PKHD1L1: variants seen among roughly 807,000 people sequenced by gnomAD.
PKHD1L1 encodes PKHD1 like 1.
Under a neutral mutation model 462.9 loss-of-function variants are expected in PKHD1L1, and 434 were observed. The observed-to-expected ratio is 0.94, with a 90% CI of 0.87 to 1.02. PKHD1L1 has a LOEUF of 1.02. Ranked by LOEUF, PKHD1L1 falls within the 50% of genes least tolerant of loss-of-function variation. The pLI is 0.00. For synonymous variants in PKHD1L1, 1,781 were observed against 1,750.0 expected (o/e 1.02, Z -0.44); for missense variants, 5,202 against 5,096.1 (o/e 1.02, Z -0.63).
In PKHD1L1 at chr8:109,419,255, T is replaced by C. The variant is rs374187621; in HGVS notation, c.2519T>C (p.Leu840Ser). Residue 840 changes from leucine to serine, a missense_variant, in exon 22 of 78, where the codon TTG (leucine) becomes TCG (serine). Transcript: ENST00000378402. Reference protein sequence around the residue: ...YIGHTSTISTLDEMPKRRLPA... With the variant: ...YIGHTSTISTSDEMPKRRLPA... ...GGACACACATCTACAATCTCAACAT[T>C]GGATGGTATGTTGTATCATTTTATC... 6.3e-7 allele frequency: 1 copy of C among 1,594,810 alleles called. No homozygotes were observed. The highest frequency in any genetic ancestry group is 1.7e-5 in the Admixed American group (1 of 57,532).
intron 72 of PKHD1L1, 123 bp downstream of exon 72, chr8:109,515,428 A>G: frequency 1.2e-6 from 1 of 801,792 alleles, no homozygotes; most frequent in Non-Finnish European, 1.7e-6. Context: ...ACAAGTTTTT[A>G]GCCATAGTCC....
At position 109,527,003 on chromosome 8, in the gene PKHD1L1, C is replaced by G; in HGVS notation, c.12704C>G (p.Thr4235Ser). ...GAAATATTTATGGCTGCAGTTTCAA[C>G]TTTGAATATAACTTTAAGTAAGTAC... ...LLEIFMAAVS[T>S]LNITLRSY The change falls in exon 77 of 78, where the codon ACT becomes AGT. Residue 4235 changes from threonine (T) to serine (S), a missense_variant. Transcript: ENST00000378402. 1 of 1,609,832 alleles carries G rather than the reference C, an allele frequency of 6.2e-7. No homozygotes were observed. The highest frequency in any genetic ancestry group is 8.5e-7 in the Non-Finnish European group (1 of 1,176,514).
At chr8:109,459,164 A>ATG (rs1816975385) in intron 46 of PKHD1L1, among the ~76,000 whole-genome samples, 3 of 152,020 alleles carry the variant, frequency 2.0e-5, no homozygotes, top group African/African-American at 7.2e-5. Flanking sequence ...GTATCATGGG[A>ATG]TGCTTAGAAA....
intron 14 of PKHD1L1, 133 bp from the exon 15 acceptor site, chr8:109,404,421 A>G: frequency 2.0e-6 from 1 of 499,136 alleles, no homozygotes; most frequent in Non-Finnish European, 3.2e-6. Context: ...GAATATTTAA[A>G]ATATGAGATA....
At position 109,469,619 on chromosome 8, in the gene PKHD1L1, G is replaced by C. The variant is rs142631835; in HGVS notation, c.8605+2850G>C. 2.3e-3 allele frequency among the ~76,000 whole-genome samples: 343 copies of C among 152,178 alleles called. 1 individual carries two copies. Among genetic ancestry groups the C allele is most frequent in the African/African-American group, 8.0e-3 (332 of 41,530 alleles). ...TCCATCATTCCTTATGATGATATAA[G>C]TTATTACATTTAATTTTAAAACATT... On this transcript the variant is annotated intron_variant, in intron 50 of 77. Transcript: ENST00000378402.
intron 34 of PKHD1L1, 26 bp downstream of exon 34, chr8:109,441,405 A>C (rs749197155): frequency 7.7e-7 from 1 of 1,293,986 alleles, no homozygotes; most frequent in East Asian, 2.4e-5. Flanking sequence ...ATACTATGAA[A>C]TAATGGAAGC....
chr8:109,436,497 T>C (rs765018168), intron 30 of PKHD1L1, 38 bp downstream of exon 30: 1 of 1,604,704 alleles, frequency 6.2e-7, no homozygotes, highest in South Asian at 1.1e-5. Context: ...TCCTCCTAAG[T>C]CTGAAATCTT....
chr8:109,420,198 AACCAC>A (rs1279927410), intron 22 of PKHD1L1, among the ~76,000 whole-genome samples: 2 of 152,220 alleles, frequency 1.3e-5, no homozygotes, highest in African/African-American at 2.4e-5. Context: ...AAAGCTAACT[AACCAC>A]AGAAGGCTGC....
At chr8:109,447,865 T>A (rs977070584) in intron 38 of PKHD1L1, among the ~76,000 whole-genome samples, 2 of 152,158 alleles carry the variant, frequency 1.3e-5, no homozygotes, top group Non-Finnish European at 2.9e-5. Flanking sequence ...CTCTATTCTC[T>A]ATTAGCGTGA....
chr8:109,482,804 C>G (rs905684294), intron 56 of PKHD1L1, among the ~76,000 whole-genome samples, 183 bp from the exon 57 acceptor site: 1 of 151,580 alleles, frequency 6.6e-6, no homozygotes, highest in Non-Finnish European at 1.5e-5. Flanking sequence ...AGCCAGATTT[C>G]CGGAAGTGGG....
intron 71 of PKHD1L1, among the ~76,000 whole-genome samples, chr8:109,511,880 T>C (rs1448387453): frequency 6.6e-6 from 1 of 152,148 alleles, no homozygotes; most frequent in Non-Finnish European, 1.5e-5. Flanking sequence ...TTTTAATGAT[T>C]GCCATTCTAA....
At chr8:109,368,286 A>C (rs1177945585) in intron 2 of PKHD1L1, among the ~76,000 whole-genome samples, 2 of 152,162 alleles carry the variant, frequency 1.3e-5, no homozygotes, top group African/African-American at 4.8e-5. Flanking sequence ...ATATACTTTT[A>C]ATAATGTCAC....
chr8:109,526,331 T>C (rs146958277), intron 76 of PKHD1L1, among the ~76,000 whole-genome samples: 107 of 152,358 alleles, frequency 7.0e-4, no homozygotes, highest in African/African-American at 2.1e-3. Context: ...CTTTCAACTC[T>C]TTTCTTGTTT....
Position 109,413,421 on chromosome 8 carries a change from T to A in PKHD1L1, c.2236T>A (p.Leu746Ile). 1 of 1,512,970 alleles carries A rather than the reference T, an allele frequency of 6.6e-7. No homozygotes were observed. The allele number at this position is 1,512,970 out of a possible 1,614,324, so 93.7% of individuals were successfully genotyped here. The change falls in exon 21 of 78, where the codon TTA becomes ATA. Residue 746 changes from leucine to isoleucine, a missense_variant and splice_region_variant. Transcript: ENST00000378402. ...CAATGTTTTTCATATTTTTATGTAG[T>A]TATGTTTAGCATACAAAGGATTCCT... ...GDILLFPYNQ[L>I]CLAYKGFLAN...
chr8:109,370,320 G>A (rs1316268701), intron 2 of PKHD1L1, among the ~76,000 whole-genome samples: 1 of 151,810 alleles, frequency 6.6e-6, no homozygotes, highest in Non-Finnish European at 1.5e-5. Flanking sequence ...CACCATGTTG[G>A]CCAGGCTGGT....
rs566015971 is a variant in PKHD1L1, at chr8:109,370,086, C to T, written c.163+5450C>T. ...AAGGCTACAGCCTGGGTTCGAATCC[C>T]GGCTACCCACTTACTGATTCTGTAT... On this transcript the variant is annotated intron_variant, in intron 2 of 77. Coordinates refer to ENST00000378402, the MANE Select transcript of PKHD1L1 (RefSeq NM_177531.6). Among the ~76,000 whole-genome samples the T allele has an allele frequency of 4.6e-5, 7 of 152,194 alleles. No homozygotes were observed. The East Asian group carries it at 7.7e-4, about 17-fold the overall frequency.
intron 67 of PKHD1L1, 53 bp downstream of exon 67, chr8:109,498,824 G>C (rs1819259850): frequency 1.5e-5 from 21 of 1,401,254 alleles, no homozygotes; most frequent in Non-Finnish European, 2.1e-5. Context: ...TAAAGAATAT[G>C]TAGAGGATAA....
chr8:109,401,624 T>C lies in PKHD1L1; in HGVS notation c.1373+36T>C, dbSNP rs566073754. On this transcript the variant is annotated intron_variant, in intron 14 of 77. Transcript: ENST00000378402. ...TTCCTGTCATTAAATTACTGTGTGGTATTTATAAGCTTTAAGTTTATATTT... is the reference window on the plus strand; with the variant it reads ...TTCCTGTCATTAAATTACTGTGTGGCATTTATAAGCTTTAAGTTTATATTT... 2.9e-5 allele frequency: 32 copies of C among 1,112,654 alleles called. No individual in the cohort carries two copies. The African/African-American group carries it at 3.6e-4, about 13-fold the overall frequency. The allele number at this position is 1,112,654 out of a possible 1,614,324, so 68.9% of individuals were successfully genotyped here. A position where few individuals can be genotyped will look rare whatever the true frequency, so the allele number is the denominator to read the frequency against.
At chr8:109,364,761 G>T in intron 2 of PKHD1L1, 125 bp downstream of exon 2, 1 of 667,638 alleles carries the variant, frequency 1.5e-6, no homozygotes, top group Non-Finnish European at 2.5e-6. Flanking sequence ...CACTTGGCCA[G>T]AATAGTAAAA....
Sources: gnomAD v4.1 joint callset for allele counts (sites outside exome capture counted in the v4.1 genomes callset) on GRCh38, gnomAD v4.1.1 for gene constraint, MANE v1.5 for transcripts, NCBI Gene and HGNC (gene_info 2026-07-23, HGNC 2026-07-21) for gene names.